Variants in COL26A1 observed in about 807,000 individuals in gnomAD.
COL26A1 encodes the protein collagen alpha-1(XXVI) chain.
In COL26A1, 41 loss-of-function variants were observed where a neutral mutation model predicts 59.3. The observed-to-expected ratio is 0.69, with a 90% CI of 0.54 to 0.90. COL26A1 has a LOEUF of 0.90. Among genes scored for constraint, COL26A1 ranks in the 40% least tolerant of loss-of-function variants. The probability of loss-of-function intolerance (pLI) is 0.00; values close to 1 mark genes in which losing one functional copy is unlikely to be tolerated. For missense variants in COL26A1, 612 were observed against 602.3 expected (o/e 1.02, Z -0.17); for synonymous variants, 266 against 256.0 (o/e 1.04, Z -0.37).
chr7:101,516,405 G>A (rs1044490741), intron 3 of COL26A1, among the ~76,000 whole-genome samples: 4 of 151,912 alleles, frequency 2.6e-5, no homozygotes, highest in South Asian at 2.1e-4. Flanking sequence ...TCGAATAGCC[G>A]GGACTACAGG....
intron 1 of COL26A1, among the ~76,000 whole-genome samples, chr7:101,401,691 G>T (rs1792006398): frequency 7.7e-6 from 1 of 130,306 alleles, no homozygotes. Flanking sequence ...GGAGGCTGAG[G>T]AGGAGGAAGA....
chr7:101,405,039 C>A (rs34304454), intron 1 of COL26A1, among the ~76,000 whole-genome samples: 1 of 151,870 alleles, frequency 6.6e-6, no homozygotes, highest in Non-Finnish European at 1.5e-5. Context: ...CTGGCTAACA[C>A]GGTGAAACCC....
intron 3 of COL26A1, among the ~76,000 whole-genome samples, chr7:101,491,802 G>A (rs1794466880): frequency 6.6e-6 from 1 of 152,202 alleles, no homozygotes; most frequent in Non-Finnish European, 1.5e-5. Context: ...TTTATGACCT[G>A]TATCTTGTGC....
chr7:101,381,235 A>G (rs1791440284), intron 1 of COL26A1, among the ~76,000 whole-genome samples: 1 of 152,128 alleles, frequency 6.6e-6, no homozygotes, highest in African/African-American at 2.4e-5. Context: ...TCTAGAATTT[A>G]TCAGCATTCC....
chr7:101,467,163 G>T (rs1793782521), intron 3 of COL26A1, among the ~76,000 whole-genome samples: 1 of 152,018 alleles, frequency 6.6e-6, no homozygotes, highest in African/African-American at 2.4e-5. Flanking sequence ...ACCTTTTGAA[G>T]CAGCATTATT....
In COL26A1 at chr7:101,419,125, T is replaced by TC. The variant is rs1428296058; in HGVS notation, c.159-851dup. Among the ~76,000 whole-genome samples the TC allele has an allele frequency of 2.9e-4, 33 of 115,042 alleles. No homozygotes were observed. In the South Asian group the frequency reaches 0.012, roughly 40 times the overall value. The allele number at this position is 115,042 out of a possible 152,430, so 75.5% of individuals were successfully genotyped here. A position where few individuals can be genotyped will look rare whatever the true frequency, so the allele number is the denominator to read the frequency against. ...CCTCCCCTCCCCTCTTCTCCCTTCC[T>TC]CTCCTCCTCTCTTCAGGGTTTCACT... On this transcript the variant is annotated intron_variant, in intron 1 of 12. Transcript: ENST00000313669.
At chr7:101,471,935 A>AC (rs1793916091) in intron 3 of COL26A1, among the ~76,000 whole-genome samples, 1 of 148,892 alleles carries the variant, frequency 6.7e-6, no homozygotes, top group Non-Finnish European at 1.5e-5. Flanking sequence ...TGTGACAGGC[A>AC]ATTAGTATTG....
intron 1 of COL26A1, among the ~76,000 whole-genome samples, chr7:101,368,076 A>C (rs555322033): frequency 9.9e-5 from 15 of 152,204 alleles, no homozygotes; most frequent in African/African-American, 3.4e-4. Context: ...TTATATGCTC[A>C]TGGTGCCTGT....
chr7:101,553,768 G>C (rs561760952), intron 11 of COL26A1, among the ~76,000 whole-genome samples: 2 of 152,280 alleles, frequency 1.3e-5, no homozygotes, highest in African/African-American at 4.8e-5. Flanking sequence ...GTGCTTACAA[G>C]GTCAAGGGTG....
At chr7:101,557,099 G>A (rs114463837) in intron 12 of COL26A1, among the ~76,000 whole-genome samples, 2,049 of 152,158 alleles carry the variant, frequency 0.013, 45 homozygotes, top group African/African-American at 0.047. Flanking sequence ...ATGAGTGACT[G>A]AGTGGGTGGA....
intron 1 of COL26A1, among the ~76,000 whole-genome samples, chr7:101,391,194 A>G (rs1289379107): frequency 6.6e-6 from 1 of 152,210 alleles, no homozygotes; most frequent in African/African-American, 2.4e-5. Flanking sequence ...TCTGGGGGCA[A>G]GGCAGGAGTT....
rs115560219 is a variant in COL26A1, at chr7:101,422,950, T to A, written c.281+2851T>A. On this transcript the variant is annotated intron_variant, in intron 2 of 12. Coordinates refer to ENST00000313669, the MANE Select transcript of COL26A1 (RefSeq NM_001278563.3). ...GCCACCATGCCTGGTCTCAACAAGTTAAAGCTGTTACACTATCAAAACACA... is the reference window on the plus strand; with the variant it reads ...GCCACCATGCCTGGTCTCAACAAGTAAAAGCTGTTACACTATCAAAACACA... Among the ~76,000 whole-genome samples, 580 of 152,276 alleles carry A rather than the reference T, an allele frequency of 3.8e-3. 3 individuals are homozygous for A. Among genetic ancestry groups the A allele is most frequent in the African/African-American group, 0.013 (558 of 41,572 alleles).
At chr7:101,469,096 C>T (rs1645758691) in intron 3 of COL26A1, among the ~76,000 whole-genome samples, 2 of 152,282 alleles carry the variant, frequency 1.3e-5, no homozygotes, top group African/African-American at 4.8e-5. Flanking sequence ...GAAGGAATGC[C>T]TCTCTGAGTT....
At position 101,472,209 on chromosome 7, in the gene COL26A1, G is replaced by A. The variant is rs138652700; in HGVS notation, c.385+24422G>A. Among the ~76,000 whole-genome samples the A allele has an allele frequency of 6.0e-3, 912 of 151,268 alleles. 8 individuals are homozygous for A. The highest frequency in any genetic ancestry group is 0.02 in the African/African-American group (833 of 41,242). ...TTTATAGAGATGATGGTTTCACCAC[G>A]TTGCCAGGCTGGTCTGGAACTCCTG... On this transcript the variant is annotated intron_variant, in intron 3 of 12. Transcript: ENST00000313669.
At chr7:101,397,738 A>G (rs1410658575) in intron 1 of COL26A1, among the ~76,000 whole-genome samples, 1 of 152,046 alleles carries the variant, frequency 6.6e-6, no homozygotes, top group African/African-American at 2.4e-5. Flanking sequence ...GCATCTTGCT[A>G]GGTTGCCCAG....
intron 2 of COL26A1, among the ~76,000 whole-genome samples, chr7:101,445,146 C>A (rs1323428439): frequency 6.6e-6 from 1 of 151,744 alleles, no homozygotes; most frequent in Non-Finnish European, 1.5e-5. Context: ...TGGCCAGGTA[C>A]TTTATGTTTA....
At chr7:101,521,547 T>C (rs946866622) in intron 3 of COL26A1, among the ~76,000 whole-genome samples, 1 of 152,036 alleles carries the variant, frequency 6.6e-6, no homozygotes, top group African/African-American at 2.4e-5. Flanking sequence ...TGGGAGCCAT[T>C]TCTAGATGAG....
chr7:101,469,262 T>C (rs1190338082), intron 3 of COL26A1, among the ~76,000 whole-genome samples: 2 of 152,126 alleles, frequency 1.3e-5, no homozygotes, highest in African/African-American at 4.8e-5. Flanking sequence ...TTAGGAGATA[T>C]CTTTGTGGAA....
chr7:101,403,524 CAACAACAA>C (rs1792061746), intron 1 of COL26A1, among the ~76,000 whole-genome samples: 1 of 146,674 alleles, frequency 6.8e-6, no homozygotes, highest in South Asian at 2.2e-4. Flanking sequence ...GCTTCAACAA[CAACAACAA>C]AACAAAACAA....
Sources: gnomAD v4.1 joint callset for allele counts (sites outside exome capture counted in the v4.1 genomes callset) on GRCh38, gnomAD v4.1.1 for gene constraint, MANE v1.5 for transcripts, NCBI Gene and HGNC (gene_info 2026-07-23, HGNC 2026-07-21) for gene names.